Variants in BCKDHB observed in about 807,000 individuals in gnomAD.
BCKDHB encodes the protein 2-oxoisovalerate dehydrogenase subunit beta, mitochondrial.
Under a neutral mutation model 48.5 loss-of-function variants are expected in BCKDHB, and 41 were observed. The ratio of observed to expected loss-of-function variants is 0.85; its 90% CI spans 0.66 to 1.10. The LOEUF (loss-of-function observed/expected upper bound fraction) is 1.10. BCKDHB is among the 50% of genes least tolerant of loss of function. The probability of loss-of-function intolerance (pLI) is 0.00; values close to 1 mark genes in which losing one functional copy is unlikely to be tolerated. For missense variants in BCKDHB, 496 were observed against 494.2 expected, an observed-to-expected ratio of 1.00 and a Z score of -0.03; for synonymous variants, 201 against 174.8, an observed-to-expected ratio of 1.15 and a Z score of -1.18.
chr6:80,298,379 G>A (rs1027065927), intron 9 of BCKDHB, among the ~76,000 whole-genome samples: 1 of 152,304 alleles, frequency 6.6e-6, no homozygotes, highest in African/African-American at 2.4e-5. Context: ...AAAATGCTGG[G>A]ATTACAGGCA....
At chr6:80,160,072 C>T (rs1772237611) in intron 3 of BCKDHB, among the ~76,000 whole-genome samples, 2 of 152,300 alleles carry the variant, frequency 1.3e-5, no homozygotes, top group East Asian at 1.9e-4. Flanking sequence ...CTAATTAAAG[C>T]TTCTGAAAAA....
At chr6:80,410,424 G>T in the BCKDHB span, among the ~76,000 whole-genome samples, 7 of 152,084 alleles carry the variant, frequency 4.6e-5, no homozygotes, top group African/African-American at 1.7e-4. Flanking sequence ...GATTATGTGT[G>T]TTCGAGTTGC....
the BCKDHB span, among the ~76,000 whole-genome samples, chr6:80,445,793 A>G: frequency 2.6e-5 from 4 of 152,142 alleles, no homozygotes. Flanking sequence ...CCTTTGACAA[A>G]ATATACTCTT....
the BCKDHB span, among the ~76,000 whole-genome samples, chr6:80,412,239 GT>G: frequency 6.6e-6 from 1 of 151,276 alleles, no homozygotes; most frequent in East Asian, 1.9e-4. Flanking sequence ...TGCCTCTTGG[GT>G]TCAAGTGATT....
At chr6:80,160,784 C>T (rs1479337980) in intron 3 of BCKDHB, among the ~76,000 whole-genome samples, 2 of 152,186 alleles carry the variant, frequency 1.3e-5, no homozygotes, top group African/African-American at 2.4e-5. Context: ...ATACAGTCAG[C>T]CATCTGGCAT....
intron 9 of BCKDHB, among the ~76,000 whole-genome samples, chr6:80,274,582 T>C (rs1010101640): frequency 6.6e-6 from 1 of 152,056 alleles, no homozygotes; most frequent in Non-Finnish European, 1.5e-5. Flanking sequence ...TGACTGTTGC[T>C]AATTGAAACT....
chr6:80,230,818 C>G (rs1439695623), intron 8 of BCKDHB, among the ~76,000 whole-genome samples: 1 of 152,126 alleles, frequency 6.6e-6, no homozygotes, highest in Non-Finnish European at 1.5e-5. Flanking sequence ...TTTCAAGAAC[C>G]CACTCGTGAT....
the BCKDHB span, among the ~76,000 whole-genome samples, chr6:80,437,155 C>T: frequency 6.6e-6 from 1 of 152,076 alleles, no homozygotes; most frequent in African/African-American, 2.4e-5. Flanking sequence ...TCTGCTGTCT[C>T]AGAAGTGTTC....
chr6:80,436,147 CTTTTTTT>C, the BCKDHB span, among the ~76,000 whole-genome samples: 168 of 70,360 alleles, frequency 2.4e-3, no homozygotes, highest in African/African-American at 6.4e-3. Flanking sequence ...AAATTCTTTT[CTTTTTTT>C]TTTTTTTTTT....
rs1772747208 is a variant in BCKDHB, at chr6:80,168,979, C to G, written c.582C>G (p.Leu194=). ...GGGGCTGTGTTGGTCATGGGGCTCT[C>G]TATCATTCTCAGAGTCCTGAAGCAT... The part of the protein sequence containing the change: ...SPWGCVGHGA[L]YHSQSPEAFF... Residue 194 remains leucine (L), a synonymous_variant, in exon 5 of 10, where the codon CTC becomes CTG. Transcript: ENST00000320393. The G allele has an allele frequency of 1.2e-6, 2 of 1,614,194 alleles. No homozygotes were observed. Among genetic ancestry groups the G allele is most frequent in the Non-Finnish European group, 1.7e-6 (2 of 1,180,004 alleles).
chr6:80,173,583 C>T (rs1409481947), intron 6 of BCKDHB, among the ~76,000 whole-genome samples: 1 of 152,130 alleles, frequency 6.6e-6, no homozygotes, highest in African/African-American at 2.4e-5. Context: ...GAGCCCAGCT[C>T]TCTTTGTGTT....
the BCKDHB span, among the ~76,000 whole-genome samples, chr6:80,361,291 G>A: frequency 9.2e-5 from 14 of 152,220 alleles, no homozygotes; most frequent in East Asian, 3.9e-4. Flanking sequence ...GTTCCCAGGA[G>A]GGAGAATAAT....
chr6:80,174,252 T>A (rs1318002339), intron 6 of BCKDHB, among the ~76,000 whole-genome samples: 6 of 152,198 alleles, frequency 3.9e-5, no homozygotes, highest in Admixed American at 2.0e-4. Context: ...GATGGACTAA[T>A]AAATATGGAT....
the BCKDHB span, among the ~76,000 whole-genome samples, chr6:80,412,595 A>T: frequency 6.6e-6 from 1 of 152,182 alleles, no homozygotes; most frequent in Non-Finnish European, 1.5e-5. Flanking sequence ...GAATTTGACT[A>T]TATACTTACC....
intron 9 of BCKDHB, among the ~76,000 whole-genome samples, chr6:80,311,791 G>A (rs1282192555): frequency 6.6e-6 from 1 of 152,146 alleles, no homozygotes; most frequent in African/African-American, 2.4e-5. Context: ...CTGTGTGTCT[G>A]TTTTTCTACC....
the BCKDHB span, among the ~76,000 whole-genome samples, chr6:80,418,318 C>T: frequency 2.2e-4 from 33 of 152,110 alleles, no homozygotes; most frequent in Admixed American, 3.3e-4. Flanking sequence ...GGTTCAGAAC[C>T]CCTGCTAGAG....
intron 4 of BCKDHB, among the ~76,000 whole-genome samples, chr6:80,168,605 A>AAAGG (rs940708353): frequency 9.8e-6 from 1 of 101,976 alleles, no homozygotes; most frequent in Admixed American, 9.1e-5. Context: ...AGGAAGGAAG[A>AAAGG]AAGGAAGGAA....
intron 8 of BCKDHB, among the ~76,000 whole-genome samples, chr6:80,244,769 A>G (rs1776536821): frequency 6.6e-6 from 1 of 152,224 alleles, no homozygotes; most frequent in African/African-American, 2.4e-5. Context: ...GAAAAAGTAA[A>G]GGAGTACGGC....
At chr6:80,198,680 T>C (rs2127819132) in intron 6 of BCKDHB, among the ~76,000 whole-genome samples, 1 of 152,302 alleles carries the variant, frequency 6.6e-6, no homozygotes, top group South Asian at 2.1e-4. Context: ...ATGCAGATTG[T>C]AGAAGAGTTC....
Sources: gnomAD v4.1 joint callset for allele counts (sites outside exome capture counted in the v4.1 genomes callset) on GRCh38, gnomAD v4.1.1 for gene constraint, MANE v1.5 for transcripts, NCBI Gene and HGNC (gene_info 2026-07-23, HGNC 2026-07-21) for gene names.